The following ARMH4 variants were observed in gnomAD, a reference collection of about 807,000 sequenced individuals.
ARMH4 encodes armadillo like helical domain containing 4.
In ARMH4, 49 loss-of-function variants were observed where a neutral mutation model predicts 61.9. The observed-to-expected ratio is 0.79, with a 90% CI of 0.63 to 1.00. ARMH4 has a LOEUF of 1.00. Ranked by LOEUF, ARMH4 falls within the 50% of genes least tolerant of loss-of-function variation. ARMH4 has a pLI of 0.00. For missense variants in ARMH4, 934 were observed against 930.0 expected, an observed-to-expected ratio of 1.00 and a Z score of -0.06; for synonymous variants, 368 against 341.5, an observed-to-expected ratio of 1.08 and a Z score of -0.85.
At chr14:58,006,526 C>G (rs994769833) in intron 6 of ARMH4, among the ~76,000 whole-genome samples, 1 of 152,158 alleles carries the variant, frequency 6.6e-6, no homozygotes, top group Non-Finnish European at 1.5e-5. Flanking sequence ...GCTCAGCCAG[C>G]TCCCTCACTG....
intron 5 of ARMH4, among the ~76,000 whole-genome samples, chr14:58,054,367 T>C (rs771730999): frequency 1.3e-5 from 2 of 152,200 alleles, no homozygotes; most frequent in African/African-American, 2.4e-5. Flanking sequence ...AGCTGAGTGA[T>C]GGGAAAGGCT....
intron 5 of ARMH4, among the ~76,000 whole-genome samples, chr14:58,069,053 T>C (rs1276869850): frequency 6.7e-6 from 1 of 149,080 alleles, no homozygotes; most frequent in Non-Finnish European, 1.5e-5. Flanking sequence ...ACTCTAAAGA[T>C]CTATAAAGAT....
rs566937378 is a variant in ARMH4 at position 58,099,446 on chromosome 14, G to A, written c.1832-2465C>T. Among the ~76,000 whole-genome samples, 5 of 152,284 alleles carry A rather than the reference G, an allele frequency of 3.3e-5. No individual in the cohort carries two copies. In the South Asian group the frequency reaches 6.2e-4, roughly 19 times the overall value. On this transcript the variant is annotated intron_variant, in intron 4 of 7. Transcript: ENST00000267485. ...ATGAAGAAAGCGTCTCCAAGGGCCCGAGTAAGAGACTGAGGGTGTCCCTCT... is the reference window on the plus strand; with the variant it reads ...ATGAAGAAAGCGTCTCCAAGGGCCCAAGTAAGAGACTGAGGGTGTCCCTCT...
chr14:58,014,071 T>A (rs1439561044), intron 5 of ARMH4, among the ~76,000 whole-genome samples: 1 of 151,842 alleles, frequency 6.6e-6, no homozygotes, highest in Non-Finnish European at 1.5e-5. Flanking sequence ...AAACCTGATT[T>A]TAAAACCCAG....
chr14:58,044,770 A>T (rs577496993), intron 5 of ARMH4, among the ~76,000 whole-genome samples: 1 of 152,162 alleles, frequency 6.6e-6, no homozygotes, highest in African/African-American at 2.4e-5. Context: ...AATTTACAAG[A>T]AAAAAACAAC....
intron 5 of ARMH4, among the ~76,000 whole-genome samples, chr14:58,059,271 G>A (rs981483031): frequency 3.9e-5 from 6 of 152,206 alleles, no homozygotes; most frequent in Non-Finnish European, 8.8e-5. Flanking sequence ...ATGGCCCTTC[G>A]GGTGTTGTAT....
chr14:58,024,019 T>C (rs1197483091), intron 5 of ARMH4, among the ~76,000 whole-genome samples: 4 of 152,040 alleles, frequency 2.6e-5, no homozygotes, highest in African/African-American at 9.7e-5. Flanking sequence ...ACAGGCAGAG[T>C]AGATTTAGCA....
At chr14:58,132,789 G>C (rs1259773722) in intron 3 of ARMH4, among the ~76,000 whole-genome samples, 1 of 151,832 alleles carries the variant, frequency 6.6e-6, no homozygotes, top group Non-Finnish European at 1.5e-5. Context: ...GTTTCACCAC[G>C]TTGGCCAGGA....
At chr14:58,012,496 T>C (rs1882446530) in intron 5 of ARMH4, among the ~76,000 whole-genome samples, 1 of 152,216 alleles carries the variant, frequency 6.6e-6, no homozygotes, top group Non-Finnish European at 1.5e-5. Context: ...CTTTGGCTTA[T>C]TTCTCATCTT....
At chr14:58,073,248 T>C (rs947664160) in intron 5 of ARMH4, among the ~76,000 whole-genome samples, 2 of 152,200 alleles carry the variant, frequency 1.3e-5, no homozygotes, top group African/African-American at 2.4e-5. Flanking sequence ...TAAGGAATCA[T>C]TCTTATGCCA....
At chr14:58,147,081 G>T (rs1377195109) in intron 1 of ARMH4, among the ~76,000 whole-genome samples, 1 of 152,100 alleles carries the variant, frequency 6.6e-6, no homozygotes, top group Non-Finnish European at 1.5e-5. Context: ...TTGTCAACTG[G>T]AAGTTACTTT....
intron 3 of ARMH4, 21 bp downstream of exon 3, chr14:58,133,069 C>CCAATA: frequency 6.2e-7 from 1 of 1,613,294 alleles, no homozygotes; most frequent in South Asian, 1.1e-5. Context: ...AAAACAGAGT[C>CCAATA]CAATATCCTC....
At chr14:58,040,495 T>C (rs11626455) in intron 5 of ARMH4, among the ~76,000 whole-genome samples, 20,409 of 152,222 alleles carry the variant, frequency 0.13, 2,024 homozygotes, top group East Asian at 0.49. Context: ...GACATTATCT[T>C]GTTCTTCTTT....
chr14:58,092,687 G>A (rs1017785635), intron 5 of ARMH4, among the ~76,000 whole-genome samples: 1 of 151,934 alleles, frequency 6.6e-6, no homozygotes, highest in Non-Finnish European at 1.5e-5. Context: ...CTCCGACCTC[G>A]CTCCCATCAT....
rs112102443 is a variant in ARMH4, at chr14:58,048,782, C to G, written c.2090-36632G>C. Among the ~76,000 whole-genome samples the G allele has an allele frequency of 6.2e-3, 951 of 152,258 alleles. 15 individuals are homozygous for G. The highest frequency in any genetic ancestry group is 0.021 in the African/African-American group (885 of 41,550). On this transcript the variant is annotated intron_variant, in intron 5 of 7. Transcript: ENST00000267485. ...CAAGGAAAATAATCTCTGTGAGTGA[C>G]TGACATTGAGTGTGAAGTGAGAAAG...
chr14:58,133,401 ATC>A, intron 2 of ARMH4, 60 bp from the exon 3 acceptor site: 7 of 1,496,690 alleles, frequency 4.7e-6, no homozygotes, highest in African/African-American at 1.4e-5. Context: ...AAAAAAAAAA[ATC>A]ATGATATGAT....
chr14:58,016,786 G>T (rs190966394), intron 5 of ARMH4, among the ~76,000 whole-genome samples: 29 of 152,022 alleles, frequency 1.9e-4, no homozygotes, highest in African/African-American at 6.8e-4. Flanking sequence ...TAAGGCCTCT[G>T]GTCTCCTTCT....
rs3837616 is a variant in ARMH4 at position 58,012,155 on chromosome 14, GA to G, written c.2090-6del. On this transcript the variant is annotated splice_polypyrimidine_tract_variant and splice_region_variant and intron_variant, in intron 5 of 7. Transcript: ENST00000267485. ...ATTTTTCCATCCAGCTTCTCACTAG[GA>G]AAAAAATAAGATAATAAAATGAAAT... 0.57 allele frequency: 760,181 copies of G among 1,342,560 alleles called. 220,643 individuals carry two copies. The highest frequency in any genetic ancestry group is 0.65 in the East Asian group (27,081 of 41,364). The allele number at this position is 1,342,560 out of a possible 1,614,324, so 83.2% of individuals were successfully genotyped here.
intron 5 of ARMH4, among the ~76,000 whole-genome samples, chr14:58,073,113 A>T (rs1566567573): frequency 6.6e-6 from 1 of 152,062 alleles, no homozygotes; most frequent in African/African-American, 2.4e-5. Context: ...TACCACCTTT[A>T]TGTCTATATT....
Sources: gnomAD v4.1 joint callset for allele counts (sites outside exome capture counted in the v4.1 genomes callset) on GRCh38, gnomAD v4.1.1 for gene constraint, MANE v1.5 for transcripts, NCBI Gene and HGNC (gene_info 2026-07-23, HGNC 2026-07-21) for gene names.